DPP6: variants seen among roughly 807,000 people sequenced by gnomAD.
DPP6 encodes the protein dipeptidyl peptidase like 6.
DPP6 carries 69 observed loss-of-function variants against 122.6 expected under a neutral mutation model. The ratio of observed to expected loss-of-function variants is 0.56; its 90% CI spans 0.46 to 0.69. DPP6 has a LOEUF of 0.69. DPP6 is among the 30% of genes least tolerant of loss of function. The pLI, the probability that DPP6 is intolerant of heterozygous loss-of-function variation, is 0.00. For missense variants in DPP6, 928 were observed against 1,116.9 expected, an observed-to-expected ratio of 0.83 and a Z score of 2.41; for synonymous variants, 418 against 433.1, an observed-to-expected ratio of 0.97 and a Z score of 0.43.
At chr7:153,765,043 T>G in the DPP6 span, among the ~76,000 whole-genome samples, 2 of 151,894 alleles carry the variant, frequency 1.3e-5, no homozygotes, top group African/African-American at 2.4e-5. Flanking sequence ...CTGACCCAGT[T>G]GCACAGCCCT....
At chr7:153,900,752 C>T (rs1799611054) in intron 1 of DPP6, among the ~76,000 whole-genome samples, 1 of 152,178 alleles carries the variant, frequency 6.6e-6, no homozygotes, top group African/African-American at 2.4e-5. Flanking sequence ...AACATCCAAA[C>T]TATAGCAGCA....
the DPP6 span, among the ~76,000 whole-genome samples, chr7:153,783,769 C>T: frequency 6.6e-6 from 1 of 152,308 alleles, no homozygotes; most frequent in East Asian, 1.9e-4. Context: ...ACCCTACCTT[C>T]CAGTAATTTC....
intron 1 of DPP6, among the ~76,000 whole-genome samples, chr7:154,313,459 C>T (rs1022848957): frequency 2.0e-5 from 3 of 151,646 alleles, no homozygotes; most frequent in Non-Finnish European, 4.4e-5. Context: ...GAACGTGGCA[C>T]GAGAGGCTCT....
chr7:154,303,698 C>T (rs531396946), intron 1 of DPP6, among the ~76,000 whole-genome samples: 3 of 152,186 alleles, frequency 2.0e-5, no homozygotes, highest in African/African-American at 7.2e-5. Flanking sequence ...AAGGGTTTCA[C>T]ACGGGGTTTT....
At chr7:153,944,664 G>GT (rs139824215) in intron 1 of DPP6, among the ~76,000 whole-genome samples, 5,360 of 106,656 alleles carry the variant, frequency 0.05, 420 homozygotes, top group African/African-American at 0.15. Context: ...TTTTGTGTGG[G>GT]TTTTTTTTTT....
intron 1 of DPP6, among the ~76,000 whole-genome samples, chr7:154,176,073 G>T (rs1221651959): frequency 6.6e-6 from 1 of 152,150 alleles, no homozygotes; most frequent in African/African-American, 2.4e-5. Context: ...TACATATTTT[G>T]TGTTCATGGA....
chr7:154,363,000 A>G (rs934268982), intron 1 of DPP6, among the ~76,000 whole-genome samples: 3 of 152,200 alleles, frequency 2.0e-5, no homozygotes, highest in African/African-American at 7.2e-5. Context: ...AAAGGCTGTC[A>G]TCATAACCCA....
chr7:154,611,747 G>T (rs1042482533), intron 5 of DPP6, among the ~76,000 whole-genome samples: 9 of 152,052 alleles, frequency 5.9e-5, no homozygotes, highest in African/African-American at 2.2e-4. Context: ...TGTACTCTTT[G>T]CCCAGCTTCC....
chr7:154,286,007 A>G (rs1442860081), intron 1 of DPP6, among the ~76,000 whole-genome samples: 2 of 152,248 alleles, frequency 1.3e-5, no homozygotes, highest in African/African-American at 2.4e-5. Context: ...TCATACTGAA[A>G]TATACCTCTA....
the DPP6 span, among the ~76,000 whole-genome samples, chr7:153,823,982 A>G: frequency 6.6e-6 from 1 of 152,180 alleles, no homozygotes; most frequent in Admixed American, 6.5e-5. Context: ...TTATTCAAGG[A>G]GATGCTAAAC....
intron 3 of DPP6, among the ~76,000 whole-genome samples, chr7:154,516,686 AAAT>A (rs1826541160): frequency 6.6e-6 from 1 of 152,254 alleles, no homozygotes; most frequent in Non-Finnish European, 1.5e-5. Context: ...TGAATTTCAA[AAAT>A]AATAAAATGA....
At chr7:154,176,479 G>T (rs1797806987) in intron 1 of DPP6, among the ~76,000 whole-genome samples, 1 of 152,238 alleles carries the variant, frequency 6.6e-6, no homozygotes, top group African/African-American at 2.4e-5. Context: ...AAAAGGTAAT[G>T]TTATCAGAAT....
chr7:153,919,838 G>A (rs1800549053), intron 1 of DPP6, among the ~76,000 whole-genome samples: 1 of 152,214 alleles, frequency 6.6e-6, no homozygotes, highest in Admixed American at 6.5e-5. Context: ...AATCAAATAG[G>A]AGTGGGGTGG....
At chr7:154,045,290 A>G (rs1272252743) in intron 1 of DPP6, among the ~76,000 whole-genome samples, 1 of 152,044 alleles carries the variant, frequency 6.6e-6, no homozygotes, top group African/African-American at 2.4e-5. Context: ...ATCCTTGTCC[A>G]ATCCTTTAAA....
intron 8 of DPP6, among the ~76,000 whole-genome samples, chr7:154,763,599 A>T (rs768894715): frequency 2.6e-5 from 4 of 152,098 alleles, no homozygotes; most frequent in Non-Finnish European, 4.4e-5. Context: ...ATAAAAATGC[A>T]TCCTAGCCTC....
At chr7:153,965,825 G>A (rs1417930435) in intron 1 of DPP6, among the ~76,000 whole-genome samples, 2 of 152,034 alleles carry the variant, frequency 1.3e-5, no homozygotes, top group Admixed American at 6.6e-5. Flanking sequence ...GTTACTCTGA[G>A]TGGTAACAGA....
chr7:154,882,795 A>T (rs1185329077), intron 21 of DPP6, among the ~76,000 whole-genome samples: 1 of 152,212 alleles, frequency 6.6e-6, no homozygotes, highest in African/African-American at 2.4e-5. Flanking sequence ...TGTGGAGTTC[A>T]CTGACAATAA....
intron 6 of DPP6, among the ~76,000 whole-genome samples, chr7:154,660,174 A>T (rs1314349790): frequency 1.3e-5 from 2 of 152,224 alleles, no homozygotes; most frequent in Admixed American, 6.5e-5. Context: ...TCACCATCGC[A>T]TATTGGCCCT....
At chr7:153,791,512 A>C in the DPP6 span, among the ~76,000 whole-genome samples, 1 of 137,712 alleles carries the variant, frequency 7.3e-6, no homozygotes, top group African/African-American at 2.7e-5. Context: ...TCTGCCTCCC[A>C]GGTGGTTCAA....
Sources: gnomAD v4.1 joint callset for allele counts (sites outside exome capture counted in the v4.1 genomes callset) on GRCh38, gnomAD v4.1.1 for gene constraint, MANE v1.5 for transcripts, NCBI Gene and HGNC (gene_info 2026-07-23, HGNC 2026-07-21) for gene names.